Variants in FARP1 observed in about 807,000 individuals in gnomAD.
FARP1 encodes FERM, ARHGEF and pleckstrin domain-containing protein 1.
Under a neutral mutation model 128.8 loss-of-function variants are expected in FARP1, and 52 were observed. That is an observed-to-expected ratio of 0.40 (90% CI 0.32 to 0.51). The LOEUF (loss-of-function observed/expected upper bound fraction) is 0.51, where lower values mean the gene tolerates loss of function less well. Among genes scored for constraint, FARP1 ranks in the 20% least tolerant of loss-of-function variants. FARP1 has a pLI of 0.45. For missense variants in FARP1, 1,333 were observed against 1,367.9 expected (o/e 0.97, Z 0.40); for synonymous variants, 580 against 551.8 (o/e 1.05, Z -0.72).
intron 2 of FARP1, among the ~76,000 whole-genome samples, chr13:98,244,268 T>C (rs1360419598): frequency 1.3e-5 from 2 of 152,196 alleles, no homozygotes; most frequent in Admixed American, 6.5e-5. Context: ...CCTAGCTTTA[T>C]TGAGATATAT....
At chr13:98,295,000 A>T (rs1445792503) in intron 2 of FARP1, among the ~76,000 whole-genome samples, 2 of 151,080 alleles carry the variant, frequency 1.3e-5, no homozygotes, top group Non-Finnish European at 1.5e-5. Context: ...CTGGGCAACA[A>T]GAGCAAAACT....
intron 2 of FARP1, among the ~76,000 whole-genome samples, chr13:98,295,167 C>G (rs1594369560): frequency 6.7e-6 from 1 of 149,968 alleles, no homozygotes; most frequent in Non-Finnish European, 1.5e-5. Flanking sequence ...ACATAAAGGG[C>G]TATGTTGTTA....
At chr13:98,258,745 C>A (rs1291102796) in intron 2 of FARP1, among the ~76,000 whole-genome samples, 2 of 152,014 alleles carry the variant, frequency 1.3e-5, no homozygotes, top group African/African-American at 4.8e-5. Flanking sequence ...GAGGCTCTTT[C>A]ATCCTCTGCC....
In FARP1 at chr13:98,453,444, A is replaced by G; in HGVS notation, c.*5127A>G. 2 of 544,148 alleles carry G rather than the reference A, an allele frequency of 3.7e-6. No individual in the cohort carries two copies. Among genetic ancestry groups the G allele is most frequent in the Non-Finnish European group, 6.4e-6 (2 of 310,836 alleles). The allele number at this position is 544,148 out of a possible 1,614,324, so 33.7% of individuals were successfully genotyped here. A position where few individuals can be genotyped will look rare whatever the true frequency, so the allele number is the denominator to read the frequency against. On this transcript the variant is annotated 3_prime_UTR_variant, in exon 27 of 27. Coordinates refer to ENST00000319562, the MANE Select transcript of FARP1 (RefSeq NM_005766.4). ...GTCACCAAAAACCAAGAATGGGTTC[A>G]GCCTCCCTGGAGAGATGTGAATAAA...
intron 1 of FARP1, among the ~76,000 whole-genome samples, chr13:98,186,080 T>C (rs913180242): frequency 2.2e-4 from 34 of 152,154 alleles, no homozygotes; most frequent in Non-Finnish European, 7.4e-5. Context: ...ATCACCATCA[T>C]CTATCTGCAG....
Position 98,262,023 on chromosome 13 carries a change from CT to C in FARP1, c.171+48620del, listed in dbSNP as rs200826486. On this transcript the variant is annotated intron_variant, in intron 2 of 26. Coordinates refer to ENST00000319562, the MANE Select transcript of FARP1 (RefSeq NM_005766.4). ...ACTGTGCCCACCCCCGCCCCCCCAA[CT>C]TTTTTTTTTGAGATGGAGTCTTACT... 6.9e-3 allele frequency among the ~76,000 whole-genome samples: 974 copies of C among 141,294 alleles called. 14 individuals carry two copies. The highest frequency in any genetic ancestry group is 0.024 in the African/African-American group (904 of 38,068). The allele number at this position is 141,294 out of a possible 152,430, so 92.7% of individuals were successfully genotyped here.
At chr13:98,262,343 G>A (rs1241158858) in intron 2 of FARP1, among the ~76,000 whole-genome samples, 5 of 151,968 alleles carry the variant, frequency 3.3e-5, no homozygotes, top group East Asian at 1.9e-4. Flanking sequence ...TTTATTTGCC[G>A]ACTTTTCTTC....
chr13:98,238,037 G>T (rs1054112444), intron 2 of FARP1, among the ~76,000 whole-genome samples: 2 of 152,150 alleles, frequency 1.3e-5, no homozygotes, highest in Admixed American at 6.5e-5. Context: ...CAAAAGGAAG[G>T]TGAAGGATCT....
At position 98,452,798 on chromosome 13, in the gene FARP1, T is replaced by TA. The variant is rs1893260135; in HGVS notation, c.*4484dup. On this transcript the variant is annotated 3_prime_UTR_variant, in exon 27 of 27. Coordinates refer to ENST00000319562, the MANE Select transcript of FARP1 (RefSeq NM_005766.4). ...CAGCTCCCAGAGGGAGTTATCAACT[T>TA]AAAGCAGGATACCTGAGGTTTCATG... The TA allele has an allele frequency of 5.3e-6, 1 of 189,348 alleles. No individual in the cohort carries two copies. Among genetic ancestry groups the TA allele is most frequent in the Admixed American group, 5.6e-5 (1 of 17,908 alleles). 11.7% of individuals were successfully genotyped at this position (189,348 alleles called of 1,614,324 possible). A position where few individuals can be genotyped will look rare whatever the true frequency, so the allele number is the denominator to read the frequency against.
chr13:98,193,321 G>T (rs1238972413), intron 1 of FARP1, among the ~76,000 whole-genome samples: 2 of 152,200 alleles, frequency 1.3e-5, no homozygotes, highest in African/African-American at 4.8e-5. Flanking sequence ...CTCCCAAAGT[G>T]CTGGGATTAC....
intron 4 of FARP1, among the ~76,000 whole-genome samples, chr13:98,367,302 G>A (rs989917984): frequency 9.2e-5 from 14 of 151,948 alleles, no homozygotes; most frequent in Non-Finnish European, 1.6e-4. Flanking sequence ...GATTATAGGC[G>A]CCCGCCACCA....
intron 1 of FARP1, among the ~76,000 whole-genome samples, chr13:98,206,279 T>C (rs1880262616): frequency 6.6e-6 from 1 of 152,134 alleles, no homozygotes; most frequent in African/African-American, 2.4e-5. Flanking sequence ...CTTGGTGGTA[T>C]GTCTAATGCA....
At chr13:98,395,135 T>G in intron 12 of FARP1, 92 bp from the exon 13 acceptor site, 1 of 1,471,998 alleles carries the variant, frequency 6.8e-7, no homozygotes, top group South Asian at 1.4e-5. Flanking sequence ...GCCTCGGGTG[T>G]TCTTGCCTGG....
chr13:98,235,821 C>CTTT lies in FARP1; in HGVS notation c.171+22421_171+22423dup, dbSNP rs546997027. 3.9e-4 allele frequency among the ~76,000 whole-genome samples: 53 copies of CTTT among 137,040 alleles called. 1 individual carries two copies. The highest frequency in any genetic ancestry group is 1.1e-3 in the African/African-American group (41 of 36,072). The allele number at this position is 137,040 out of a possible 152,430, so 89.9% of individuals were successfully genotyped here. On this transcript the variant is annotated intron_variant, in intron 2 of 26. Coordinates refer to ENST00000319562, the MANE Select transcript of FARP1 (RefSeq NM_005766.4). ...CATAAACCGTACAATTCACCTCTGT[C>CTTT]TTTTTTTTTTTTTTTCCCTGAGACA...
intron 2 of FARP1, among the ~76,000 whole-genome samples, chr13:98,343,552 TAA>T (rs1474964044): frequency 6.6e-6 from 1 of 152,230 alleles, no homozygotes; most frequent in Non-Finnish European, 1.5e-5. Context: ...AAGAAAATGC[TAA>T]GAGATTTGCA....
intron 21 of FARP1, among the ~76,000 whole-genome samples, 155 bp downstream of exon 21, chr13:98,439,351 G>C (rs1416465043): frequency 1.3e-5 from 2 of 152,186 alleles, no homozygotes; most frequent in African/African-American, 4.8e-5. Context: ...AAAGACCATC[G>C]AAGACCATAC....
Position 98,361,668 on chromosome 13 carries a change from CAG to C in FARP1, c.277-3725_277-3724del, listed in dbSNP as rs540473773. 9.8e-5 allele frequency among the ~76,000 whole-genome samples: 15 copies of C among 152,330 alleles called. No homozygotes were observed. The South Asian group carries it at 2.9e-3, about 29-fold the overall frequency. On this transcript the variant is annotated intron_variant, in intron 3 of 26. Coordinates refer to ENST00000319562, the MANE Select transcript of FARP1 (RefSeq NM_005766.4). Reference sequence around the variant, plus strand: ...CAGCCCTCTGATTTTACAAGGGAAACAGAAGGCATCAGAGAGGAATTTTCTTG... The same window carrying C: ...CAGCCCTCTGATTTTACAAGGGAAACAAGGCATCAGAGAGGAATTTTCTTG...
intron 3 of FARP1, among the ~76,000 whole-genome samples, chr13:98,353,821 A>G (rs1473365206): frequency 6.6e-6 from 1 of 152,272 alleles, no homozygotes; most frequent in African/African-American, 2.4e-5. Context: ...ACTGTGTTGC[A>G]TGCTTAAAAT....
intron 13 of FARP1, among the ~76,000 whole-genome samples, chr13:98,407,957 A>G (rs1351898219): frequency 1.3e-5 from 2 of 152,162 alleles, no homozygotes; most frequent in Non-Finnish European, 2.9e-5. Context: ...ATGACAGGAA[A>G]ATGGGGGTGC....
Sources: gnomAD v4.1 joint callset for allele counts (sites outside exome capture counted in the v4.1 genomes callset) on GRCh38, gnomAD v4.1.1 for gene constraint, MANE v1.5 for transcripts, NCBI Gene and HGNC (gene_info 2026-07-23, HGNC 2026-07-21) for gene names.